The following GSE1 variants were observed in gnomAD, a reference collection of about 807,000 sequenced individuals.
GSE1 encodes genetic suppressor element 1.
Under a neutral mutation model 112.6 loss-of-function variants are expected in GSE1, and 32 were observed. The observed-to-expected ratio is 0.28, with a 90% CI of 0.21 to 0.38. The LOEUF (loss-of-function observed/expected upper bound fraction) is 0.38, where lower values mean the gene tolerates loss of function less well. Among genes scored for constraint, GSE1 ranks in the 10% least tolerant of loss-of-function variants. The pLI, the probability that GSE1 is intolerant of heterozygous loss-of-function variation, is 1.00. For missense variants in GSE1, 2,348 were observed against 1,699.2 expected (o/e 1.38, Z -6.71); for synonymous variants, 1,115 against 735.6 (o/e 1.52, Z -8.35).
At chr16:85,246,367 A>ACACACC (rs1597179071) in intron 1 of GSE1, among the ~76,000 whole-genome samples, 2 of 68,422 alleles carry the variant, frequency 2.9e-5, no homozygotes, top group African/African-American at 1.2e-4. Flanking sequence ...ACACACACAC[A>ACACACC]CCACACGCTG....
chr16:85,646,602 C>T (rs779257779), intron 2 of GSE1, among the ~76,000 whole-genome samples: 1 of 152,198 alleles, frequency 6.6e-6, no homozygotes, highest in Admixed American at 6.5e-5. Flanking sequence ...GAGATCTGCC[C>T]TGGGCCTGTG....
At chr16:85,217,732 A>G (rs2075327464) in intron 1 of GSE1, among the ~76,000 whole-genome samples, 1 of 152,028 alleles carries the variant, frequency 6.6e-6, no homozygotes, top group African/African-American at 2.4e-5. Flanking sequence ...AGCCCAGCGG[A>G]CTTTCCTAAG....
intron 1 of GSE1, among the ~76,000 whole-genome samples, chr16:85,587,871 C>T (rs1004070231): frequency 6.6e-6 from 1 of 152,152 alleles, no homozygotes; most frequent in East Asian, 1.9e-4. Context: ...CGTGTCTGGA[C>T]GGTGAAAGAG....
intron 1 of GSE1, among the ~76,000 whole-genome samples, chr16:85,288,295 A>G (rs2045102258): frequency 6.6e-6 from 1 of 152,204 alleles, no homozygotes; most frequent in Admixed American, 6.5e-5. Flanking sequence ...GCACTTTGAC[A>G]TTTAAAAAAT....
Position 85,666,148 on chromosome 16 carries a change from C to T in GSE1, c.2931C>T (p.Ser977=), listed in dbSNP as rs770196664. Residue 977 remains serine (S), a synonymous_variant, in exon 13 of 16, where the codon AGC becomes AGT. Transcript: ENST00000253458. ...CCAGCGGGGAGAAGGCCAGGCTGAG[C>T]GAGGCCCCTGGAGGCAAAAAGAGTC... ...APASGEKARL[S]EAPGGKKSLS... 22 of 1,613,232 alleles carry T rather than the reference C, an allele frequency of 1.4e-5. No individual in the cohort carries two copies. Among genetic ancestry groups the T allele is most frequent in the African/African-American group, 6.7e-5 (5 of 74,932 alleles).
At chr16:85,413,429 C>T (rs750446596) in intron 2 of GSE1, among the ~76,000 whole-genome samples, 7 of 151,948 alleles carry the variant, frequency 4.6e-5, no homozygotes, top group African/African-American at 1.2e-4. Context: ...CCAAGCATGG[C>T]GGCCTGCTCT....
At chr16:85,609,136 G>C (rs1432810873), upstream of GSE1, among the ~76,000 whole-genome samples, 1 of 152,234 alleles carries the variant, frequency 6.6e-6, no homozygotes, top group Non-Finnish European at 1.5e-5. Context: ...GTGGTGGTCT[G>C]TGCTGTCATC....
intron 1 of GSE1, among the ~76,000 whole-genome samples, chr16:85,204,466 T>C (rs1022086896): frequency 1.3e-5 from 2 of 152,248 alleles, no homozygotes; most frequent in Admixed American, 6.5e-5. Context: ...TGAGGAATTC[T>C]CAGTTCCTAG....
At chr16:85,436,374 T>A (rs539566641) in intron 2 of GSE1, among the ~76,000 whole-genome samples, 61 of 152,336 alleles carry the variant, frequency 4.0e-4, no homozygotes, top group Middle Eastern at 3.4e-3. Context: ...CAGCCCATCC[T>A]AGCCCTGAGT....
At chr16:85,408,753 C>G (rs1216541032) in intron 2 of GSE1, among the ~76,000 whole-genome samples, 7 of 63,726 alleles carry the variant, frequency 1.1e-4, no homozygotes, top group African/African-American at 7.7e-5. Flanking sequence ...TCAGGCCCCC[C>G]TGGATAATCC....
intron 1 of GSE1, among the ~76,000 whole-genome samples, chr16:85,582,810 G>A (rs890374340): frequency 2.0e-5 from 3 of 152,182 alleles, no homozygotes; most frequent in East Asian, 1.9e-4. Flanking sequence ...TTGGTCGGCC[G>A]CCTTGTCATT....
intron 1 of GSE1, among the ~76,000 whole-genome samples, chr16:85,196,084 A>G (rs2074921464): frequency 6.6e-6 from 1 of 152,218 alleles, no homozygotes; most frequent in South Asian, 2.1e-4. Flanking sequence ...CAGTGGGGAA[A>G]AACGAGGGCT....
chr16:85,496,620 A>C (rs1332007280), intron 2 of GSE1, among the ~76,000 whole-genome samples: 1 of 152,170 alleles, frequency 6.6e-6, no homozygotes, highest in Non-Finnish European at 1.5e-5. Context: ...GGAGAAACTG[A>C]CTTGTTTGCA....
chr16:85,359,397 C>A, intron 2 of GSE1: 1 of 456,060 alleles, frequency 2.2e-6, no homozygotes, highest in South Asian at 1.5e-5. Flanking sequence ...GAACAAGGCC[C>A]AGATGGACCC....
At chr16:85,483,281 C>G (rs372589198) in intron 2 of GSE1, among the ~76,000 whole-genome samples, 1 of 152,270 alleles carries the variant, frequency 6.6e-6, no homozygotes, top group African/African-American at 2.4e-5. Flanking sequence ...AGCTGTCGTT[C>G]CCGCTGTTCC....
At chr16:85,393,915 C>T (rs1282505555) in intron 2 of GSE1, among the ~76,000 whole-genome samples, 2 of 152,270 alleles carry the variant, frequency 1.3e-5, no homozygotes, top group South Asian at 2.1e-4. Flanking sequence ...GCCCGGCAGT[C>T]CTGATGCAGG....
chr16:85,566,954 T>C (rs945208282), intron 1 of GSE1, among the ~76,000 whole-genome samples: 1 of 152,048 alleles, frequency 6.6e-6, no homozygotes, highest in South Asian at 2.1e-4. Context: ...TCTCACCCGC[T>C]CCAAGAACCT....
At chr16:85,349,034 C>G (rs2046800379) in intron 1 of GSE1, among the ~76,000 whole-genome samples, 1 of 152,192 alleles carries the variant, frequency 6.6e-6, no homozygotes, top group Non-Finnish European at 1.5e-5. Flanking sequence ...TGGCAGCCAC[C>G]AGCCTCTCCC....
chr16:85,600,587 A>AACACAC (rs771929185), intron 1 of GSE1, among the ~76,000 whole-genome samples: 2 of 146,470 alleles, frequency 1.4e-5, no homozygotes, highest in African/African-American at 2.5e-5. Flanking sequence ...ACACACCCCA[A>AACACAC]ACACACACAC....
Sources: gnomAD v4.1 joint callset for allele counts (sites outside exome capture counted in the v4.1 genomes callset) on GRCh38, gnomAD v4.1.1 for gene constraint, MANE v1.5 for transcripts, NCBI Gene and HGNC (gene_info 2026-07-23, HGNC 2026-07-21) for gene names.